Variants in UBAC2 observed in about 807,000 individuals in gnomAD.
The protein encoded by UBAC2 is ubiquitin-associated domain-containing protein 2.
Under a neutral mutation model 44.0 loss-of-function variants are expected in UBAC2, and 26 were observed. That is an observed-to-expected ratio of 0.59 (90% CI 0.43 to 0.82). UBAC2 has a LOEUF of 0.82. Ranked by LOEUF, UBAC2 falls within the 40% of genes least tolerant of loss-of-function variation. The probability of loss-of-function intolerance (pLI) is 0.00; values close to 1 mark genes in which losing one functional copy is unlikely to be tolerated. For missense variants in UBAC2, 329 were observed against 419.4 expected, an observed-to-expected ratio of 0.78 and a Z score of 1.88; for synonymous variants, 155 against 154.3, an observed-to-expected ratio of 1.00 and a Z score of -0.04.
chr13:99,374,126 C>T (rs1188920535), intron 8 of UBAC2, among the ~76,000 whole-genome samples: 1 of 152,126 alleles, frequency 6.6e-6, no homozygotes, highest in Non-Finnish European at 1.5e-5. Flanking sequence ...AATGTGAGCT[C>T]CCGCCAGGCA....
chr13:99,366,596 T>C (rs977082219), intron 7 of UBAC2, among the ~76,000 whole-genome samples: 1 of 150,800 alleles, frequency 6.6e-6, no homozygotes, highest in Non-Finnish European at 1.5e-5. Flanking sequence ...AGATTCCTGC[T>C]GTCTCCGGGG....
chr13:99,332,561 A>G (rs1047188859), intron 6 of UBAC2, among the ~76,000 whole-genome samples: 2 of 151,874 alleles, frequency 1.3e-5, no homozygotes, highest in African/African-American at 4.8e-5. Flanking sequence ...TTTGGCCTAG[A>G]CTCTCAGCTG....
intron 4 of UBAC2, among the ~76,000 whole-genome samples, chr13:99,283,887 A>C (rs2043986147): frequency 6.6e-6 from 1 of 151,904 alleles, no homozygotes; most frequent in African/African-American, 2.4e-5. Flanking sequence ...GGCGTGTGCC[A>C]CCACGCCCAG....
intron 8 of UBAC2, among the ~76,000 whole-genome samples, chr13:99,369,085 A>G (rs1241342328): frequency 6.6e-6 from 1 of 152,190 alleles, no homozygotes. Flanking sequence ...ATATAAATAC[A>G]TACACTGGAG....
intron 8 of UBAC2, among the ~76,000 whole-genome samples, chr13:99,369,131 A>G (rs1441970477): frequency 6.6e-6 from 1 of 152,262 alleles, no homozygotes; most frequent in African/African-American, 2.4e-5. Context: ...AATGTCAAGT[A>G]ATAAATATAC....
chr13:99,282,404 A>G (rs1379572897), intron 4 of UBAC2, among the ~76,000 whole-genome samples: 1 of 152,226 alleles, frequency 6.6e-6, no homozygotes, highest in Admixed American at 6.5e-5. Flanking sequence ...GGTTGAGGCT[A>G]TTAGTAAAAA....
At chr13:99,355,983 T>C (rs1232201751) in intron 7 of UBAC2, 14 of 377,828 alleles carry the variant, frequency 3.7e-5, no homozygotes, top group Non-Finnish European at 6.8e-5. Context: ...CTGTCTCTCT[T>C]GGGTTTGCAG....
chr13:99,373,294 C>T (rs2045434220), intron 8 of UBAC2, among the ~76,000 whole-genome samples: 1 of 151,588 alleles, frequency 6.6e-6, no homozygotes. Context: ...GGGAAAAACT[C>T]ATCAAGTGTA....
At chr13:99,232,258 C>T (rs1197840756) in intron 1 of UBAC2, among the ~76,000 whole-genome samples, 1 of 151,572 alleles carries the variant, frequency 6.6e-6, no homozygotes, top group Non-Finnish European at 1.5e-5. Flanking sequence ...TTAACATATT[C>T]AAAAATTTTA....
At chr13:99,238,299 A>G (rs2043262691) in intron 1 of UBAC2, 128 bp from the exon 2 acceptor site, 7 of 1,281,114 alleles carry the variant, frequency 5.5e-6, no homozygotes, top group African/African-American at 1.5e-5. Flanking sequence ...ATTAGAACCA[A>G]ATTTCAGAGT....
At chr13:99,283,962 T>C (rs750293068) in intron 4 of UBAC2, among the ~76,000 whole-genome samples, 5 of 152,124 alleles carry the variant, frequency 3.3e-5, no homozygotes, top group Admixed American at 1.3e-4. Context: ...CTCAAACTCC[T>C]GACCTCGTGA....
At position 99,366,837 on chromosome 13, in the gene UBAC2, G is replaced by T. The variant is rs191215560; in HGVS notation, c.808-950G>T. Among the ~76,000 whole-genome samples the T allele has an allele frequency of 7.8e-4, 119 of 152,158 alleles. 6 individuals are homozygous for T. The highest frequency in any genetic ancestry group is 7.7e-3 in the Admixed American group (117 of 15,282). The stretch of plus-strand genomic sequence containing the variant: ...CACAGTGTGCGGCTCTGCTTCCCAC[G>T]CCCACTTGTTCCTGAGGCCTTGCAA... On this transcript the variant is annotated intron_variant, in intron 7 of 8. Transcript: ENST00000403766.
chr13:99,254,827 T>G, intron 4 of UBAC2: 2 of 1,395,460 alleles, frequency 1.4e-6, no homozygotes, highest in Non-Finnish European at 9.9e-7. Flanking sequence ...GACGCCAGAG[T>G]AGTTAGTGAA....
chr13:99,367,195 C>A (rs1399437025), intron 7 of UBAC2, among the ~76,000 whole-genome samples: 4 of 152,198 alleles, frequency 2.6e-5, no homozygotes, highest in African/African-American at 9.7e-5. Flanking sequence ...GCTCACTTCT[C>A]ACCTTTTTGC....
chr13:99,277,152 A>T (rs958774778), intron 4 of UBAC2, among the ~76,000 whole-genome samples: 2 of 152,084 alleles, frequency 1.3e-5, no homozygotes, highest in African/African-American at 4.8e-5. Flanking sequence ...TTTAAAAAAA[A>T]TCCTTTTAAT....
chr13:99,295,744 C>T lies in UBAC2; in HGVS notation c.390-18353C>T, dbSNP rs1288973753. 6 of 1,614,066 alleles carry T rather than the reference C, an allele frequency of 3.7e-6. No individual in the cohort carries two copies. Among genetic ancestry groups the T allele is most frequent in the Non-Finnish European group, 5.1e-6 (6 of 1,179,994 alleles). On this transcript the variant is annotated intron_variant, in intron 4 of 8. Coordinates refer to ENST00000403766, the MANE Select transcript of UBAC2 (RefSeq NM_001144072.2). This position sits in a 1 kb window ranked among gnomAD's most constrained non-coding sequence, Gnocchi z 4.1. ...TTATCTTGTTGTAGCGTAGAGGGTG[C>T]ACCACAGCAATGAAGCGGTCAATAC...
At chr13:99,316,862 C>T (rs776809491) in intron 5 of UBAC2, among the ~76,000 whole-genome samples, 5 of 152,304 alleles carry the variant, frequency 3.3e-5, no homozygotes, top group East Asian at 1.9e-4. Context: ...CTTAACCACT[C>T]GGTTTTACTG....
At chr13:99,225,041 T>C (rs1033896516) in intron 1 of UBAC2, among the ~76,000 whole-genome samples, 9 of 152,312 alleles carry the variant, frequency 5.9e-5, no homozygotes, top group Admixed American at 2.0e-4. Context: ...AGATCTGTAT[T>C]TTTAGGGGTT....
chr13:99,339,068 C>G (rs781568914), intron 6 of UBAC2, among the ~76,000 whole-genome samples: 2 of 152,134 alleles, frequency 1.3e-5, no homozygotes, highest in Non-Finnish European at 2.9e-5. Flanking sequence ...ATATCATATC[C>G]AGTGACTCTG....
Sources: gnomAD v4.1 joint callset for allele counts (sites outside exome capture counted in the v4.1 genomes callset) on GRCh38, gnomAD v4.1.1 for gene constraint, Gnocchi (gnomAD v3.1) non-coding constraint, MANE v1.5 for transcripts, NCBI Gene and HGNC (gene_info 2026-07-23, HGNC 2026-07-21) for gene names.